Variants in FHIT observed in about 807,000 individuals in gnomAD.
The protein encoded by FHIT is fragile histidine triad diadenosine triphosphatase, also known as bis(5'-adenosyl)-triphosphatase.
FHIT carries 19 observed loss-of-function variants against 17.9 expected under a neutral mutation model. The observed-to-expected ratio is 1.06, with a 90% CI of 0.74 to 1.56. FHIT has a LOEUF of 1.56. Among genes scored for constraint, FHIT ranks in the 40% most tolerant of loss-of-function variants. FHIT has a pLI of 0.00. For synonymous variants in FHIT, 81 were observed against 69.7 expected (o/e 1.16, Z -0.81); for missense variants, 248 against 189.2 (o/e 1.31, Z -1.82).
chr3:59,786,759 C>T (rs1699320681), intron 8 of FHIT, among the ~76,000 whole-genome samples: 2 of 152,240 alleles, frequency 1.3e-5, no homozygotes, highest in African/African-American at 4.8e-5. Context: ...TTACTCAACA[C>T]ACAATTTTTA....
intron 4 of FHIT, among the ~76,000 whole-genome samples, chr3:60,614,714 C>T (rs1258035207): frequency 3.3e-5 from 5 of 151,940 alleles, no homozygotes; most frequent in South Asian, 2.1e-4. Flanking sequence ...TTATTAAACC[C>T]ATCCTACTGG....
intron 5 of FHIT, among the ~76,000 whole-genome samples, chr3:60,494,262 C>T (rs1365380689): frequency 6.6e-6 from 1 of 152,180 alleles, no homozygotes; most frequent in East Asian, 1.9e-4. Flanking sequence ...ACCTCTATGA[C>T]TTTGCCAATT....
intron 4 of FHIT, among the ~76,000 whole-genome samples, chr3:60,786,792 C>T (rs1553727085): frequency 6.6e-6 from 1 of 151,994 alleles, no homozygotes; most frequent in Non-Finnish European, 1.5e-5. Flanking sequence ...CTGAGAAATA[C>T]TTGTGAATGA....
intron 8 of FHIT, among the ~76,000 whole-genome samples, chr3:59,884,465 A>T (rs1703536098): frequency 1.3e-5 from 2 of 152,166 alleles, no homozygotes; most frequent in Admixed American, 1.3e-4. Context: ...GTATCTCAGC[A>T]AAAACTGACC....
intron 5 of FHIT, among the ~76,000 whole-genome samples, chr3:60,305,991 A>G (rs1343780507): frequency 6.6e-6 from 1 of 152,146 alleles, no homozygotes. Flanking sequence ...AACTAATTTT[A>G]AAAGTTGTAT....
chr3:60,140,021 C>T (rs941753821), intron 5 of FHIT, among the ~76,000 whole-genome samples: 7 of 151,806 alleles, frequency 4.6e-5, no homozygotes, highest in African/African-American at 1.7e-4. Context: ...ACTCAGGAGG[C>T]TGAGGCAGAG....
intron 3 of FHIT, among the ~76,000 whole-genome samples, chr3:61,016,223 C>G (rs1209590991): frequency 6.6e-6 from 1 of 152,064 alleles, no homozygotes; most frequent in Non-Finnish European, 1.5e-5. Context: ...AGAATAAAAC[C>G]AGAGGGAGGA....
At chr3:61,129,226 G>C (rs1445863490) in intron 2 of FHIT, among the ~76,000 whole-genome samples, 9 of 152,192 alleles carry the variant, frequency 5.9e-5, no homozygotes, top group Non-Finnish European at 1.2e-4. Flanking sequence ...CCCAATGTAA[G>C]ACACAAACAC....
chr3:60,306,801 G>C (rs1304228380), intron 5 of FHIT, among the ~76,000 whole-genome samples: 2 of 152,072 alleles, frequency 1.3e-5, no homozygotes, highest in East Asian at 3.9e-4. Context: ...AATCACACTT[G>C]GCATGTTTAA....
At chr3:60,113,844 A>C (rs968944687) in intron 5 of FHIT, among the ~76,000 whole-genome samples, 2 of 149,146 alleles carry the variant, frequency 1.3e-5, no homozygotes, top group Non-Finnish European at 3.0e-5. Flanking sequence ...TACTAAAAAT[A>C]CAAAAAAATT....
At chr3:60,305,808 C>T (rs1037855775) in intron 5 of FHIT, among the ~76,000 whole-genome samples, 2 of 152,172 alleles carry the variant, frequency 1.3e-5, no homozygotes, top group Non-Finnish European at 2.9e-5. Flanking sequence ...TAAATGGATA[C>T]TTAGCAATTT....
chr3:60,954,451 C>T (rs951413697), intron 3 of FHIT, among the ~76,000 whole-genome samples: 2 of 152,110 alleles, frequency 1.3e-5, no homozygotes, highest in Non-Finnish European at 2.9e-5. Context: ...AGCTTTGCTA[C>T]TCTAGTTATT....
intron 4 of FHIT, among the ~76,000 whole-genome samples, chr3:60,558,606 G>A (rs1276297296): frequency 1.3e-5 from 2 of 152,002 alleles, no homozygotes; most frequent in African/African-American, 2.4e-5. Flanking sequence ...ATTCCCAGGA[G>A]CTCCGACCTC....
At chr3:60,232,624 C>T (rs376099481) in intron 5 of FHIT, among the ~76,000 whole-genome samples, 25 of 152,268 alleles carry the variant, frequency 1.6e-4, no homozygotes, top group African/African-American at 5.8e-4. Flanking sequence ...GTTTCCTGGG[C>T]CAGACTCAGT....
chr3:60,402,324 C>A (rs1701693664), intron 5 of FHIT, among the ~76,000 whole-genome samples: 1 of 152,100 alleles, frequency 6.6e-6, no homozygotes, highest in Admixed American at 6.6e-5. Flanking sequence ...TGGGAGAAGC[C>A]AACCATGAAG....
chr3:61,129,763 A>G (rs959821133), intron 2 of FHIT, among the ~76,000 whole-genome samples: 14 of 152,224 alleles, frequency 9.2e-5, no homozygotes, highest in Non-Finnish European at 1.9e-4. Flanking sequence ...TAGGGTAATA[A>G]GTATGAAAAA....
chr3:60,855,885 C>T (rs1703359508), intron 3 of FHIT, among the ~76,000 whole-genome samples: 1 of 152,032 alleles, frequency 6.6e-6, no homozygotes, highest in Non-Finnish European at 1.5e-5. Flanking sequence ...GAATCCAATT[C>T]AAAAGACGTA....
intron 2 of FHIT, among the ~76,000 whole-genome samples, chr3:61,093,602 G>A (rs2035550665): frequency 1.3e-5 from 2 of 152,214 alleles, no homozygotes; most frequent in African/African-American, 4.8e-5. Context: ...AGCCGGGATA[G>A]GAAAGTAGAT....
intron 5 of FHIT, among the ~76,000 whole-genome samples, chr3:60,043,638 A>G (rs1376937029): frequency 1.3e-5 from 2 of 151,562 alleles, no homozygotes; most frequent in African/African-American, 4.9e-5. Flanking sequence ...TGCCCAGTAT[A>G]TGTGTACACA....
Sources: allele counts gnomAD v4.1 joint callset (sites outside exome capture counted in the v4.1 genomes callset), GRCh38; gene constraint gnomAD v4.1.1; transcripts MANE v1.5; gene names NCBI Gene and HGNC (gene_info 2026-07-23, HGNC 2026-07-21).